Variants in PTPRS observed in about 807,000 individuals in gnomAD.
The protein encoded by PTPRS is receptor-type tyrosine-protein phosphatase S.
A neutral mutation model predicts 215.3 loss-of-function variants in PTPRS; 63 were observed. The observed-to-expected ratio is 0.29, with a 90% confidence interval of 0.24 to 0.36. The LOEUF (loss-of-function observed/expected upper bound fraction) is 0.36, where lower values mean the gene tolerates loss of function less well. PTPRS is among the 10% of genes least tolerant of loss of function. The pLI is 1.00. For missense variants in PTPRS, 2,258 were observed against 2,825.8 expected, an observed-to-expected ratio of 0.80 and a Z score of 4.56; for synonymous variants, 1,404 against 1,191.4, an observed-to-expected ratio of 1.18 and a Z score of -3.68.
intron 1 of PTPRS, among the ~76,000 whole-genome samples, chr19:5,323,045 A>G (rs2050074757): frequency 6.6e-6 from 1 of 152,074 alleles, no homozygotes. Flanking sequence ...AGAGGAGGAG[A>G]GAAGCAGATA....
chr19:5,309,043 G>A (rs1600092918), intron 1 of PTPRS, among the ~76,000 whole-genome samples: 2 of 152,274 alleles, frequency 1.3e-5, no homozygotes, highest in Admixed American at 1.3e-4. Context: ...ACTAGGCCCT[G>A]GGCTCAGAGT....
intron 1 of PTPRS, among the ~76,000 whole-genome samples, chr19:5,323,284 G>T (rs556087754): frequency 6.6e-6 from 1 of 152,122 alleles, no homozygotes; most frequent in Non-Finnish European, 1.5e-5. Context: ...GCTTCAATCC[G>T]GGAGGCAGAG....
At position 5,237,713 on chromosome 19, in the gene PTPRS, A is replaced by T. The variant is rs140000042; in HGVS notation, c.1849+1206T>A. ...TACTCACCTTCAGGACACCTCAGCCAGTCTCTCAGGTGGCTGCCCAAGCCA... is the reference window on the plus strand; with the variant it reads ...TACTCACCTTCAGGACACCTCAGCCTGTCTCTCAGGTGGCTGCCCAAGCCA... On this transcript the variant is annotated intron_variant, in intron 13 of 37. Coordinates refer to ENST00000262963, the MANE Select transcript of PTPRS (RefSeq NM_002850.4). The surrounding 1 kb of genome is among the most constrained non-coding windows in gnomAD (Gnocchi z 4.2). Among the ~76,000 whole-genome samples the T allele has an allele frequency of 7.0e-3, 1,063 of 152,236 alleles. 11 individuals carry two copies. Among genetic ancestry groups the T allele is most frequent in the African/African-American group, 0.023 (963 of 41,548 alleles).
At chr19:5,211,073 T>C (rs1179340228) in intron 33 of PTPRS, among the ~76,000 whole-genome samples, 1 of 152,210 alleles carries the variant, frequency 6.6e-6, no homozygotes, top group East Asian at 1.9e-4. Context: ...TCCCTCCATC[T>C]CCTTCAAGGG....
rs1010715352 is a variant in PTPRS, at chr19:5,224,152, C to T, written c.2495-855G>A. Reference sequence around the variant, plus strand: ...CAAGATCGTGCCACTGCACTCCAGCCCGGGCAACAGAGCAAGACTCCGTCT... The same window carrying T: ...CAAGATCGTGCCACTGCACTCCAGCTCGGGCAACAGAGCAAGACTCCGTCT... On this transcript the variant is annotated intron_variant, in intron 17 of 37. Transcript: ENST00000262963. Among the ~76,000 whole-genome samples, 3 of 146,808 alleles carry T rather than the reference C, an allele frequency of 2.0e-5. No individual in the cohort carries two copies. The Admixed American group carries it at 2.1e-4, about 10-fold the overall frequency.
At chr19:5,284,700 A>G (rs1435145219) in intron 2 of PTPRS, among the ~76,000 whole-genome samples, 1 of 152,038 alleles carries the variant, frequency 6.6e-6, no homozygotes, top group Admixed American at 6.6e-5. Flanking sequence ...TAATTCTAGC[A>G]CTTTGGGAGG....
chr19:5,261,344 T>C (rs900298730), intron 6 of PTPRS, among the ~76,000 whole-genome samples: 4 of 152,028 alleles, frequency 2.6e-5, no homozygotes, highest in African/African-American at 7.3e-5. Flanking sequence ...CGGGCATTAA[T>C]ACAGCCAAGG....
At chr19:5,311,845 C>T (rs989981414) in intron 1 of PTPRS, among the ~76,000 whole-genome samples, 2 of 151,984 alleles carry the variant, frequency 1.3e-5, no homozygotes, top group African/African-American at 4.8e-5. Context: ...TCGAGACCAT[C>T]CTGGCTAACA....
intron 1 of PTPRS, among the ~76,000 whole-genome samples, chr19:5,296,014 C>G (rs1295221751): frequency 6.6e-6 from 1 of 152,102 alleles, no homozygotes; most frequent in Non-Finnish European, 1.5e-5. Flanking sequence ...CCTCAGCCTC[C>G]CAAAGTGCTG....
At chr19:5,337,920 G>A (rs1295973900) in intron 1 of PTPRS, among the ~76,000 whole-genome samples, 1 of 151,962 alleles carries the variant, frequency 6.6e-6, no homozygotes, top group East Asian at 1.9e-4. Flanking sequence ...TTTTTTCTCT[G>A]CTGGCAGCAG....
At position 5,222,299 on chromosome 19, in the gene PTPRS, G is replaced by A. The variant is rs1040006737; in HGVS notation, c.3104-79C>T. The A allele has an allele frequency of 1.0e-5, 13 of 1,239,040 alleles. No individual in the cohort carries two copies. In the Admixed American group the frequency reaches 1.9e-4, roughly 18 times the overall value. 76.8% of individuals were successfully genotyped at this position (1,239,040 alleles called of 1,614,324 possible). ...CCTGGCACTGGGTGGCGTGAAGCGGGGTGGGGTGGGGCGGCCCAGGCGCTC... is the reference window on the plus strand; with the variant it reads ...CCTGGCACTGGGTGGCGTGAAGCGGAGTGGGGTGGGGCGGCCCAGGCGCTC... On this transcript the variant is annotated intron_variant, in intron 18 of 37. Coordinates refer to ENST00000262963, the MANE Select transcript of PTPRS (RefSeq NM_002850.4).
chr19:5,256,539 C>T (rs1169577959), intron 8 of PTPRS, among the ~76,000 whole-genome samples: 4 of 152,122 alleles, frequency 2.6e-5, no homozygotes, highest in Admixed American at 6.5e-5. Context: ...AAAGGCCCCA[C>T]CCGGCTCCCT....
intron 4 of PTPRS, 200 bp downstream of exon 4, chr19:5,273,242 T>C (rs1014017234): frequency 7.7e-6 from 5 of 651,642 alleles, no homozygotes; most frequent in Non-Finnish European, 1.3e-5. Context: ...TCAATTCCTT[T>C]CTTTCTTGCA....
intron 4 of PTPRS, 61 bp from the exon 5 acceptor site, chr19:5,265,257 G>T: frequency 6.7e-7 from 1 of 1,500,254 alleles, no homozygotes; most frequent in East Asian, 2.3e-5. Context: ...CCACTCCTGA[G>T]CCTGGGGCTC....
chr19:5,241,941 T>G (rs992506965), intron 11 of PTPRS, among the ~76,000 whole-genome samples: 1 of 151,964 alleles, frequency 6.6e-6, no homozygotes. Context: ...GTCCAAGTGA[T>G]TCACCTGCCT....
intron 35 of PTPRS, among the ~76,000 whole-genome samples, chr19:5,209,557 A>G (rs868466409): frequency 6.6e-6 from 1 of 152,140 alleles, no homozygotes; most frequent in Non-Finnish European, 1.5e-5. Context: ...TGTACCACCC[A>G]TTGGTTTATA....
At chr19:5,215,192 C>T (rs1317215280) in intron 28 of PTPRS, 97 bp downstream of exon 28, 2 of 1,522,234 alleles carry the variant, frequency 1.3e-6, no homozygotes, top group East Asian at 2.3e-5. Flanking sequence ...AGGTCTATGA[C>T]CAGAATCAGG....
At chr19:5,211,872 C>T in intron 32 of PTPRS, 93 bp downstream of exon 32, 9 of 1,567,172 alleles carry the variant, frequency 5.7e-6, no homozygotes, top group Non-Finnish European at 5.2e-6. Context: ...CCTGCCACCA[C>T]CTTCTAGTCC....
intron 5 of PTPRS, 66 bp downstream of exon 5, chr19:5,264,942 T>A (rs945501166): frequency 9.6e-6 from 15 of 1,561,486 alleles, no homozygotes; most frequent in Admixed American, 3.6e-5. Context: ...ACTTGGGCCC[T>A]GGAGATGCTC....
Sources: gnomAD v4.1 joint callset for allele counts (sites outside exome capture counted in the v4.1 genomes callset) on GRCh38, gnomAD v4.1.1 for gene constraint, Gnocchi (gnomAD v3.1) non-coding constraint, MANE v1.5 for transcripts, NCBI Gene and HGNC (gene_info 2026-07-23, HGNC 2026-07-21) for gene names.